LUZP2: variants seen among roughly 807,000 people sequenced by gnomAD.
LUZP2 encodes leucine zipper protein 2.
In LUZP2, 52 loss-of-function variants were observed where a neutral mutation model predicts 51.6. The observed-to-expected ratio is 1.01, with a 90% CI of 0.81 to 1.27. LUZP2 has a LOEUF of 1.27. Ranked by LOEUF, LUZP2 falls within the 50% of genes most tolerant of loss-of-function variation. LUZP2 has a pLI of 0.00. For missense variants in LUZP2, 436 were observed against 395.4 expected, an observed-to-expected ratio of 1.10 and a Z score of -0.87; for synonymous variants, 154 against 137.3, an observed-to-expected ratio of 1.12 and a Z score of -0.85.
intron 1 of LUZP2, among the ~76,000 whole-genome samples, chr11:24,548,992 C>T (rs768392956): frequency 9.5e-4 from 145 of 151,918 alleles, no homozygotes; most frequent in Non-Finnish European, 1.6e-3. Context: ...TGTATACTTA[C>T]CCTATGTTAA....
intron 1 of LUZP2, among the ~76,000 whole-genome samples, chr11:24,695,698 G>C (rs1469710963): frequency 6.6e-6 from 1 of 151,924 alleles, no homozygotes; most frequent in East Asian, 1.9e-4. Context: ...TGGGAAAGGA[G>C]GGAAAGTAAA....
chr11:24,845,751 CTCTT>C (rs137925462), intron 5 of LUZP2, among the ~76,000 whole-genome samples: 22,968 of 151,938 alleles, frequency 0.15, 1,872 homozygotes, highest in African/African-American at 0.2. Context: ...AGCTCTCTCT[CTCTT>C]TGTCTGCCGC....
chr11:24,905,905 A>C lies in LUZP2; in HGVS notation c.397-86A>C, dbSNP rs141766761. ...TCATGAAGGTCTAATTTTTGAACAG[A>C]ACATAAAGCAATAATGTTGACATAG... On this transcript the variant is annotated intron_variant, in intron 5 of 11. Transcript: ENST00000336930. 2.7e-5 allele frequency: 26 copies of C among 948,946 alleles called. No homozygotes were observed. The Middle Eastern group carries it at 8.3e-4, about 30-fold the overall frequency. The allele number at this position is 948,946 out of a possible 1,614,324, so 58.8% of individuals were successfully genotyped here.
intron 7 of LUZP2, among the ~76,000 whole-genome samples, chr11:24,922,133 A>T (rs1456853756): frequency 1.3e-5 from 2 of 152,122 alleles, no homozygotes; most frequent in African/African-American, 4.8e-5. Context: ...TAGTCCTTTG[A>T]TAACTATCCC....
intron 9 of LUZP2, among the ~76,000 whole-genome samples, chr11:25,016,141 C>T (rs529664658): frequency 5.3e-5 from 8 of 151,994 alleles, no homozygotes; most frequent in South Asian, 4.2e-4. Flanking sequence ...AGGATGGTCT[C>T]GATCTCCTGA....
At chr11:24,713,128 G>C (rs1157136400) in intron 1 of LUZP2, among the ~76,000 whole-genome samples, 2 of 152,086 alleles carry the variant, frequency 1.3e-5, no homozygotes, top group Non-Finnish European at 1.5e-5. Flanking sequence ...CAAATATCCC[G>C]GTGGTCACAT....
intron 1 of LUZP2, among the ~76,000 whole-genome samples, chr11:24,558,885 G>A (rs928833782): frequency 2.0e-5 from 3 of 152,052 alleles, no homozygotes; most frequent in African/African-American, 4.8e-5. Context: ...GCTTGATCTT[G>A]GAATTTCCAA....
At chr11:24,687,081 T>G (rs1856918394) in intron 1 of LUZP2, among the ~76,000 whole-genome samples, 1 of 152,142 alleles carries the variant, frequency 6.6e-6, no homozygotes, top group Admixed American at 6.5e-5. Context: ...ACTACAGAGT[T>G]GTCCATGCAG....
At chr11:24,815,206 A>G (rs193168988) in intron 5 of LUZP2, among the ~76,000 whole-genome samples, 2 of 152,214 alleles carry the variant, frequency 1.3e-5, no homozygotes, top group East Asian at 1.9e-4. Flanking sequence ...ATGAATCTAT[A>G]TCATTATTTT....
intron 1 of LUZP2, among the ~76,000 whole-genome samples, chr11:24,541,251 C>T (rs1465436828): frequency 1.3e-5 from 1 of 79,374 alleles, no homozygotes; most frequent in African/African-American, 4.8e-5. Context: ...GAGACTTCAT[C>T]TCAAGGAAAA....
At chr11:24,525,738 A>T (rs1401785448) in intron 1 of LUZP2, among the ~76,000 whole-genome samples, 2 of 151,386 alleles carry the variant, frequency 1.3e-5, no homozygotes, top group Non-Finnish European at 3.0e-5. Flanking sequence ...AGATATACAC[A>T]CACACAGTCC....
chr11:24,735,841 G>A (rs1858918970), intron 3 of LUZP2, among the ~76,000 whole-genome samples: 2 of 151,906 alleles, frequency 1.3e-5, no homozygotes, highest in South Asian at 4.1e-4. Context: ...GATATAGATT[G>A]GGCAAATCTC....
chr11:24,601,315 C>A lies in LUZP2; in HGVS notation c.62+104010C>A, dbSNP rs184188330. On this transcript the variant is annotated intron_variant, in intron 1 of 11. Transcript: ENST00000336930. The stretch of plus-strand genomic sequence containing the variant: ...TTGAGGCCCTATACAGAAATGTCAG[C>A]TGTGTGGTACTCAATTTCTGATCTA... Among the ~76,000 whole-genome samples the A allele has an allele frequency of 2.3e-4, 35 of 152,010 alleles. 1 individual carries two copies. The highest frequency in any genetic ancestry group is 7.9e-4 in the Admixed American group (12 of 15,246).
chr11:24,538,668 G>A (rs11604186), intron 1 of LUZP2, among the ~76,000 whole-genome samples: 8,999 of 133,260 alleles, frequency 0.068, 347 homozygotes, highest in Admixed American at 0.11. Context: ...GTGTGTGTGT[G>A]TATATATATA....
chr11:24,902,962 A>G (rs1309052462), intron 5 of LUZP2, among the ~76,000 whole-genome samples: 1 of 152,172 alleles, frequency 6.6e-6, no homozygotes, highest in Non-Finnish European at 1.5e-5. Flanking sequence ...CAAATTTTAA[A>G]TAGTATATAC....
intron 5 of LUZP2, among the ~76,000 whole-genome samples, chr11:24,869,497 C>T (rs1851993445): frequency 6.6e-6 from 1 of 151,938 alleles, no homozygotes; most frequent in Non-Finnish European, 1.5e-5. Flanking sequence ...CCCTCTGTCG[C>T]CGAGGCTGGA....
chr11:24,610,170 T>C (rs1166136316), intron 1 of LUZP2, among the ~76,000 whole-genome samples: 3 of 152,124 alleles, frequency 2.0e-5, no homozygotes, highest in Non-Finnish European at 2.9e-5. Flanking sequence ...TGGGGAAAAA[T>C]AGACTTTGCT....
Position 24,858,918 on chromosome 11 carries a change from T to C in LUZP2, c.397-47073T>C, listed in dbSNP as rs1393129327. 2.0e-5 allele frequency among the ~76,000 whole-genome samples: 3 copies of C among 152,344 alleles called. No homozygotes were observed. In the East Asian group the frequency reaches 5.8e-4, roughly 29 times the overall value. ...TTTGAAATCCAGTGTTCTTCAGAGA[T>C]AGAACACATTTAATCAATCATAACA... is the stretch of plus-strand genomic sequence containing the variant. On this transcript the variant is annotated intron_variant, in intron 5 of 11. Transcript: ENST00000336930.
Position 24,926,395 on chromosome 11 carries a change from GTA to G in LUZP2, c.522+11868_522+11869del, listed in dbSNP as rs760579513. Reference sequence around the variant, plus strand: ...TATACGTGTGTATATATATACGTGTGTATATATATATACGTGTGTATATATAT... The same window carrying G: ...TATACGTGTGTATATATATACGTGTGTATATATATACGTGTGTATATATAT... On this transcript the variant is annotated intron_variant, in intron 7 of 11. Coordinates refer to ENST00000336930, the MANE Select transcript of LUZP2 (RefSeq NM_001009909.4). 3.9e-3 allele frequency among the ~76,000 whole-genome samples: 274 copies of G among 70,018 alleles called. 3 individuals are homozygous for G. The highest frequency in any genetic ancestry group is 8.5e-3 in the South Asian group (15 of 1,762). The allele number at this position is 70,018 out of a possible 152,430, so 45.9% of individuals were successfully genotyped here. A position where few individuals can be genotyped will look rare whatever the true frequency, so the allele number is the denominator to read the frequency against.
Sources: allele counts gnomAD v4.1 joint callset (sites outside exome capture counted in the v4.1 genomes callset), GRCh38; gene constraint gnomAD v4.1.1; transcripts MANE v1.5; gene names NCBI Gene and HGNC (gene_info 2026-07-23, HGNC 2026-07-21).